The following CCDC88C variants were observed in gnomAD, a reference collection of about 807,000 sequenced individuals.
CCDC88C encodes protein Daple.
A neutral mutation model predicts 198.8 loss-of-function variants in CCDC88C; 131 were observed. The ratio of observed to expected loss-of-function variants is 0.66; its 90% CI spans 0.57 to 0.76. The LOEUF (loss-of-function observed/expected upper bound fraction) is 0.76, where lower values mean the gene tolerates loss of function less well. CCDC88C is among the 30% of genes least tolerant of loss of function. CCDC88C has a pLI of 0.00. For synonymous variants in CCDC88C, 1,166 were observed against 1,114.7 expected (o/e 1.05, Z -0.92); for missense variants, 2,553 against 2,631.6 (o/e 0.97, Z 0.65).
intron 17 of CCDC88C, among the ~76,000 whole-genome samples, chr14:91,307,459 G>T (rs556450442): frequency 6.6e-6 from 1 of 152,226 alleles, no homozygotes; most frequent in African/African-American, 2.4e-5. Context: ...CCTGCAACCC[G>T]TTCCTGCCTC....
intron 6 of CCDC88C, among the ~76,000 whole-genome samples, chr14:91,340,734 G>A (rs1165290716): frequency 6.6e-6 from 1 of 152,090 alleles, no homozygotes; most frequent in Non-Finnish European, 1.5e-5. Context: ...ATGAAATCAG[G>A]GGTATCTACT....
intron 4 of CCDC88C, among the ~76,000 whole-genome samples, chr14:91,355,932 A>G (rs1379858437): frequency 1.3e-5 from 2 of 152,156 alleles, no homozygotes; most frequent in Non-Finnish European, 2.9e-5. Context: ...CCCAAAACAG[A>G]AAAGTTACCC....
Position 91,313,388 on chromosome 14 carries a change from T to C in CCDC88C, c.2428A>G (p.Asn810Asp). The C allele has an allele frequency of 1.9e-6, 3 of 1,609,008 alleles. No homozygotes were observed. Among genetic ancestry groups the C allele is most frequent in the Non-Finnish European group, 1.7e-6 (2 of 1,179,718 alleles). ...RRDLEALRLA[N>D]AQLEGAEKDR... The stretch of plus-strand genomic sequence containing the variant: ...TTCTCGGCCCCCTCCAACTGTGCAT[T>C]GGCCAGCCGGAGGGCCTCCAGGTCC... Residue 810 changes from asparagine to aspartate, a missense_variant, in exon 15 of 30, where the codon AAT becomes GAT. Transcript: ENST00000389857. This position sits in a 1 kb window ranked among gnomAD's most constrained non-coding sequence, Gnocchi z 5.2.
At chr14:91,280,525 G>A (rs1324074076) in intron 27 of CCDC88C, among the ~76,000 whole-genome samples, 3 of 152,164 alleles carry the variant, frequency 2.0e-5, no homozygotes, top group East Asian at 3.8e-4. Flanking sequence ...TAAGGAAACC[G>A]TGATAGCGAT....
intron 6 of CCDC88C, among the ~76,000 whole-genome samples, chr14:91,341,795 C>T (rs902356892): frequency 4.7e-4 from 72 of 152,238 alleles, no homozygotes; most frequent in African/African-American, 1.4e-3. Flanking sequence ...GGTCAGGCCT[C>T]AAAGGCCAGG....
chr14:91,278,263 T>C (rs1360462411), intron 28 of CCDC88C, 52 bp from the exon 29 acceptor site: 2 of 1,522,968 alleles, frequency 1.3e-6, no homozygotes, highest in Non-Finnish European at 1.8e-6. Flanking sequence ...GGCAGCCCTC[T>C]GGTGGCTTCT....
chr14:91,273,610 C>T lies in CCDC88C; in HGVS notation c.5102G>A (p.Arg1701Gln), dbSNP rs768365233. Residue 1701 changes from arginine (R) to glutamine (Q), a missense_variant, in exon 30 of 30, where the codon CGA (arginine) becomes CAA (glutamine). Physicochemically the swap from Arg to Gln is conservative, Grantham distance 43 (BLOSUM62 1). Transcript: ENST00000389857. This position sits in a 1 kb window ranked among gnomAD's most constrained non-coding sequence, Gnocchi z 5.6. Reference protein sequence around the residue: ...CRDDLLSDYFRKASDPPAIGG... With the variant: ...CRDDLLSDYFQKASDPPAIGG... ...GATGGCTGGGGGATCGCTGGCCTTT[C>T]GGAAGTAGTCACTCAGCAGGTCATC... is the stretch of plus-strand genomic sequence containing the variant. The T allele has an allele frequency of 2.1e-5, 31 of 1,489,414 alleles. No homozygotes were observed. The highest frequency in any genetic ancestry group is 1.4e-4 in the African/African-American group (10 of 70,606). 92.3% of individuals were successfully genotyped at this position (1,489,414 alleles called of 1,614,324 possible).
Position 91,284,006 on chromosome 14 carries a change from G to A in CCDC88C, c.4442-489C>T, listed in dbSNP as rs138931820. On this transcript the variant is annotated intron_variant, in intron 25 of 29. Transcript: ENST00000389857. The surrounding 1 kb of genome is among the most constrained non-coding windows in gnomAD (Gnocchi z 4.1). ...CACAATATTCTGTTTTTTCAAAAAG[G>A]GAAGCCTTAATCTCTGCATGGTGAG... Among the ~76,000 whole-genome samples, 1 of 152,124 alleles carries A rather than the reference G, an allele frequency of 6.6e-6. No homozygotes were observed. The highest frequency in any genetic ancestry group is 1.5e-5 in the Non-Finnish European group (1 of 68,018).
intron 22 of CCDC88C, among the ~76,000 whole-genome samples, chr14:91,295,486 C>A (rs1391612769): frequency 6.6e-6 from 1 of 152,198 alleles, no homozygotes; most frequent in Non-Finnish European, 1.5e-5. Context: ...TTTGGCCCAA[C>A]AGAAAGACCC....
chr14:91,360,872 T>C (rs1567098231), intron 3 of CCDC88C, among the ~76,000 whole-genome samples: 1 of 152,146 alleles, frequency 6.6e-6, no homozygotes, highest in East Asian at 1.9e-4. Context: ...CCAGTTCTGG[T>C]GGGGCACGGT....
chr14:91,351,427 G>A (rs1192310812), intron 4 of CCDC88C, among the ~76,000 whole-genome samples: 4 of 152,168 alleles, frequency 2.6e-5, no homozygotes, highest in African/African-American at 9.7e-5. Flanking sequence ...AACGAGAAGA[G>A]CTGTTTATTA....
In CCDC88C at chr14:91,416,774, A is replaced by C. The variant is rs754616740; in HGVS notation, c.125T>G (p.Val42Gly). 6.2e-7 allele frequency: 1 copy of C among 1,613,702 alleles called. No individual in the cohort carries two copies. The highest frequency in any genetic ancestry group is 8.5e-7 in the Non-Finnish European group (1 of 1,179,788). Reference sequence around the variant, plus strand: ...AATTTGGTTCAAAAAGATGCCGTCCACTAAATCCATGTACATAGTCAGGTT... The same window carrying C: ...AATTTGGTTCAAAAAGATGCCGTCCCCTAAATCCATGTACATAGTCAGGTT... ...QDNLTMYMDL[V>G]DGIFLNQIML... Residue 42 changes from valine to glycine, a missense_variant, in exon 2 of 30, where the codon GTG becomes GGG. Coordinates refer to ENST00000389857, the MANE Select transcript of CCDC88C (RefSeq NM_001080414.4).
At chr14:91,399,159 A>C (rs1168076099) in intron 3 of CCDC88C, among the ~76,000 whole-genome samples, 1 of 152,112 alleles carries the variant, frequency 6.6e-6, no homozygotes, top group East Asian at 1.9e-4. Flanking sequence ...CTCATTCTCC[A>C]TGCCTGCTTG....
In CCDC88C at chr14:91,272,775, G is replaced by A. The variant is rs750539254; in HGVS notation, c.5937C>T (p.Ala1979=). ...AATCGGGAGACCGACCTGGGCTCTT[G>A]GCCGGAAGCCCCTCACTGCAGCCCT... ...PGQGCSEGLP[A]KSPGRSPDLA... is the part of the protein sequence containing the mutation. The change falls in exon 30 of 30, where the codon GCC becomes GCT. Residue 1979 remains alanine, a synonymous_variant. Transcript: ENST00000389857. 6.2e-7 allele frequency: 1 copy of A among 1,606,644 alleles called. No homozygotes were observed. Among genetic ancestry groups the A allele is most frequent in the South Asian group, 1.1e-5 (1 of 90,754 alleles).
At chr14:91,398,480 C>A (rs1187455241) in intron 3 of CCDC88C, among the ~76,000 whole-genome samples, 1 of 151,976 alleles carries the variant, frequency 6.6e-6, no homozygotes, top group Admixed American at 6.6e-5. Context: ...ACAGTGAGAC[C>A]CCATCTCTAC....
In CCDC88C at chr14:91,338,375, G is replaced by T; in HGVS notation, c.891+114C>A. On this transcript the variant is annotated intron_variant, in intron 9 of 29. Coordinates refer to ENST00000389857, the MANE Select transcript of CCDC88C (RefSeq NM_001080414.4). The surrounding 1 kb of genome is among the most constrained non-coding windows in gnomAD (Gnocchi z 4.8). Reference sequence around the variant, plus strand: ...CCCCATAGCCGTGCTCAGGACAAGTGGCTCTTGTGTGGCTTAAAAGCGCTG... The same window carrying T: ...CCCCATAGCCGTGCTCAGGACAAGTTGCTCTTGTGTGGCTTAAAAGCGCTG... 9.7e-7 allele frequency: 1 copy of T among 1,030,292 alleles called. No individual in the cohort carries two copies. The highest frequency in any genetic ancestry group is 1.5e-6 in the Non-Finnish European group (1 of 682,592). The allele number at this position is 1,030,292 out of a possible 1,614,324, so 63.8% of individuals were successfully genotyped here. A position where few individuals can be genotyped will look rare whatever the true frequency, so the allele number is the denominator to read the frequency against.
At chr14:91,283,654 G>T in intron 25 of CCDC88C, 137 bp from the exon 26 acceptor site, 1 of 825,076 alleles carries the variant, frequency 1.2e-6, no homozygotes. Context: ...CAGCTCTCGG[G>T]CTGCAACTTA....
In CCDC88C at chr14:91,273,208, A is replaced by G. The variant is rs1301049428; in HGVS notation, c.5504T>C (p.Leu1835Ser). 5 of 1,569,042 alleles carry G rather than the reference A, an allele frequency of 3.2e-6. No individual in the cohort carries two copies. The East Asian group carries it at 1.2e-4, about 37-fold the overall frequency. Residue 1835 changes from leucine (L) to serine (S), a missense_variant, in exon 30 of 30, where the codon TTA (leucine) becomes TCA (serine). Leu to Ser is a moderately radical substitution (Grantham distance 145). Coordinates refer to ENST00000389857, the MANE Select transcript of CCDC88C (RefSeq NM_001080414.4). The surrounding 1 kb of genome is among the most constrained non-coding windows in gnomAD (Gnocchi z 5.6). The stretch of plus-strand genomic sequence containing the variant: ...GTGGCTGCCTGTCTCTCTGCCCCCT[A>G]AGGCCTCAGGAGCCCCCAGCTTCTG... ...SPQKLGAPEA[L>S]GGRETGSHTL...
rs1393071423 is a variant in CCDC88C at position 91,309,954 on chromosome 14, C to A, written c.2769G>T (p.Gln923His). 6.2e-7 allele frequency: 1 copy of A among 1,603,168 alleles called. No individual in the cohort carries two copies. Among genetic ancestry groups the A allele is most frequent in the Non-Finnish European group, 8.5e-7 (1 of 1,174,924 alleles). ...TCAGCTTGTCCAGCTCACTGCTGAG[C>A]TGCTGGCTCTTCAGCTTCTCGAGCA... ...DLVLEKLKSQ[Q>H]LSSELDKLSQ... Residue 923 changes from glutamine (Q) to histidine (H), a missense_variant, in exon 16 of 30, where the codon CAG (glutamine) becomes CAT (histidine). By Grantham distance (24) the Gln-to-His change is conservative. Transcript: ENST00000389857.
Sources: allele counts gnomAD v4.1 joint callset (sites outside exome capture counted in the v4.1 genomes callset), GRCh38; gene constraint gnomAD v4.1.1; non-coding constraint Gnocchi (gnomAD v3.1); transcripts MANE v1.5; gene names NCBI Gene and HGNC (gene_info 2026-07-23, HGNC 2026-07-21).